CUX2: variants seen among roughly 807,000 people sequenced by gnomAD.
CUX2 encodes homeobox protein cut-like 2.
Under a neutral mutation model 144.8 loss-of-function variants are expected in CUX2, and 40 were observed. The observed-to-expected ratio is 0.28, with a 90% CI of 0.21 to 0.36. The LOEUF (loss-of-function observed/expected upper bound fraction) is 0.36, where lower values mean the gene tolerates loss of function less well. Among genes scored for constraint, CUX2 ranks in the 10% least tolerant of loss-of-function variants. The probability of loss-of-function intolerance (pLI) is 1.00; values close to 1 mark genes in which losing one functional copy is unlikely to be tolerated. For synonymous variants in CUX2, 827 were observed against 875.6 expected (o/e 0.94, Z 0.98); for missense variants, 1,615 against 1,994.0 (o/e 0.81, Z 3.62).
chr12:111,336,769 C>G (rs1475230917), intron 19 of CUX2, among the ~76,000 whole-genome samples: 1 of 151,942 alleles, frequency 6.6e-6, no homozygotes, highest in East Asian at 1.9e-4. Flanking sequence ...TTTTTAATGT[C>G]TCTTTGACAC....
In CUX2 at chr12:111,042,718, A is replaced by T. The variant is rs776941691; in HGVS notation, c.63+8478A>T. On this transcript the variant is annotated intron_variant, in intron 1 of 21. Transcript: ENST00000261726. ...GCCATCAGGGCTCACTGCAGCCTCAACCTTCTAGGCTCAGATGATCCTCCC... is the reference window on the plus strand; with the variant it reads ...GCCATCAGGGCTCACTGCAGCCTCATCCTTCTAGGCTCAGATGATCCTCCC... Among the ~76,000 whole-genome samples, 126 of 151,794 alleles carry T rather than the reference A, an allele frequency of 8.3e-4. No individual in the cohort carries two copies. The Middle Eastern group carries it at 0.024, about 29-fold the overall frequency.
rs1592994905 is a variant in CUX2 at position 111,347,621 on chromosome 12, C to T, written c.3757C>T (p.His1253Tyr). Reference protein sequence around the residue: ...GPGILPPGHSHPDPTPQSPDS... With the variant: ...GPGILPPGHSYPDPTPQSPDS... ...TGGAATCCTACCGCCAGGCCACTCC[C>T]ACCCAGACCCCACCCCGCAGAGCCC... The change falls in exon 22 of 22, where the codon CAC becomes TAC. Residue 1253 changes from histidine (H) to tyrosine (Y), a missense_variant. Physicochemically the swap from His to Tyr is moderately conservative, Grantham distance 83. Transcript: ENST00000261726. 2 of 1,590,748 alleles carry T rather than the reference C, an allele frequency of 1.3e-6. No individual in the cohort carries two copies.
At chr12:111,337,297 G>T (rs1006234497) in intron 19 of CUX2, among the ~76,000 whole-genome samples, 2 of 150,386 alleles carry the variant, frequency 1.3e-5, no homozygotes, top group Non-Finnish European at 2.9e-5. Flanking sequence ...AGGTTATAGT[G>T]AGCTGAGATC....
chr12:111,341,421 G>A (rs533444561), intron 20 of CUX2, among the ~76,000 whole-genome samples: 26 of 152,264 alleles, frequency 1.7e-4, no homozygotes, highest in East Asian at 5.8e-4. Context: ...TGACTGCACC[G>A]CTGTACTCCA....
rs1253769280 is a variant in CUX2, at chr12:111,291,556, C to T, written c.436+4C>T. 1 of 1,593,878 alleles carries T rather than the reference C, an allele frequency of 6.3e-7. No homozygotes were observed. The highest frequency in any genetic ancestry group is 1.8e-5 in the Admixed American group (1 of 56,366). On this transcript the variant is annotated splice_donor_region_variant and intron_variant, in intron 5 of 21. Transcript: ENST00000261726. ...CCCGAGCTCCTCAGCCCCAAAGGTA[C>T]TGATAAGGCCTTCTCGGAGCGTCTA...
In CUX2 at chr12:111,041,842, A is replaced by G. The variant is rs374306355; in HGVS notation, c.63+7602A>G. Reference sequence around the variant, plus strand: ...CCGCACCTTCCCAGTGCCTAGTTCCAGAAGAGGCTGCATTTCCAGAACAAA... The same window carrying G: ...CCGCACCTTCCCAGTGCCTAGTTCCGGAAGAGGCTGCATTTCCAGAACAAA... On this transcript the variant is annotated intron_variant, in intron 1 of 21. Transcript: ENST00000261726. 1.9e-4 allele frequency among the ~76,000 whole-genome samples: 29 copies of G among 152,296 alleles called. No homozygotes were observed. In the East Asian group the frequency reaches 5.4e-3, roughly 28 times the overall value.
chr12:111,239,575 G>A (rs1882920227), intron 3 of CUX2, among the ~76,000 whole-genome samples: 1 of 152,240 alleles, frequency 6.6e-6, no homozygotes, highest in Non-Finnish European at 1.5e-5. Flanking sequence ...GTACCTGGCT[G>A]TAGGGATGGC....
intron 1 of CUX2, among the ~76,000 whole-genome samples, chr12:111,158,401 A>G (rs993912605): frequency 2.7e-5 from 4 of 150,684 alleles, no homozygotes. Flanking sequence ...TGAAGCCAGG[A>G]GTTTGAGGTC....
chr12:111,283,917 C>G (rs1420146436), intron 4 of CUX2, among the ~76,000 whole-genome samples: 3 of 152,162 alleles, frequency 2.0e-5, no homozygotes, highest in Non-Finnish European at 4.4e-5. Context: ...ACACCATGCT[C>G]TGAAACTCCC....
Position 111,171,485 on chromosome 12 carries a change from T to A in CUX2, c.64-42715T>A, listed in dbSNP as rs1277234092. Among the ~76,000 whole-genome samples, 1 of 152,100 alleles carries A rather than the reference T, an allele frequency of 6.6e-6. No homozygotes were observed. The highest frequency in any genetic ancestry group is 1.5e-5 in the Non-Finnish European group (1 of 68,016). On this transcript the variant is annotated intron_variant, in intron 1 of 21. Transcript: ENST00000261726. The surrounding 1 kb of genome is among the most constrained non-coding windows in gnomAD (Gnocchi z 5.0). ...ACCCAATGCAAGCAGCCCGGAGACA[T>A]CTTGCTTCCTTGTTTCCATGGCTTG...
At chr12:111,199,591 G>A (rs945522163) in intron 1 of CUX2, among the ~76,000 whole-genome samples, 3 of 152,250 alleles carry the variant, frequency 2.0e-5, no homozygotes, top group South Asian at 2.1e-4. Context: ...AGAAGGTCAC[G>A]GATCCACAGG....
At position 111,061,770 on chromosome 12, in the gene CUX2, C is replaced by G. The variant is rs1870784511; in HGVS notation, c.63+27530C>G. On this transcript the variant is annotated intron_variant, in intron 1 of 21. Transcript: ENST00000261726. The surrounding 1 kb of genome is among the most constrained non-coding windows in gnomAD (Gnocchi z 4.2). ...GTATCTCTGGGTTTTTTGTCGTTTT[C>G]TTTTTTCTGCTGTGATGGAAACACT... Among the ~76,000 whole-genome samples, 1 of 152,264 alleles carries G rather than the reference C, an allele frequency of 6.6e-6. No homozygotes were observed. Among genetic ancestry groups the G allele is most frequent in the African/African-American group, 2.4e-5 (1 of 41,556 alleles).
chr12:111,094,457 T>TC (rs1872709193), intron 1 of CUX2, among the ~76,000 whole-genome samples: 1 of 152,246 alleles, frequency 6.6e-6, no homozygotes, highest in Admixed American at 6.5e-5. Flanking sequence ...ACCTGTGTCT[T>TC]CCCCCTGTGC....
At chr12:111,098,765 C>A (rs558377066) in intron 1 of CUX2, among the ~76,000 whole-genome samples, 3 of 152,222 alleles carry the variant, frequency 2.0e-5, no homozygotes, top group African/African-American at 7.2e-5. Flanking sequence ...CCTTTCTCTT[C>A]GTGAGTTCAG....
intron 4 of CUX2, among the ~76,000 whole-genome samples, 181 bp downstream of exon 4, chr12:111,264,020 TC>T (rs966044958): frequency 5.3e-5 from 8 of 151,782 alleles, no homozygotes; most frequent in African/African-American, 1.5e-4. Context: ...CCCCCAGGGC[TC>T]CCCCCATCTT....
chr12:111,076,593 G>C (rs1243510196), intron 1 of CUX2, among the ~76,000 whole-genome samples: 1 of 152,148 alleles, frequency 6.6e-6, no homozygotes, highest in Non-Finnish European at 1.5e-5. Context: ...GCTCTTCTGG[G>C]GTCTCTCAGT....
intron 1 of CUX2, among the ~76,000 whole-genome samples, chr12:111,154,693 CAG>C (rs1877264889): frequency 6.6e-6 from 1 of 152,110 alleles, no homozygotes; most frequent in African/African-American, 2.4e-5. Flanking sequence ...GTGCGGGAAT[CAG>C]AGAGGCAACG....
chr12:111,233,004 A>G (rs1451089363), intron 3 of CUX2, among the ~76,000 whole-genome samples: 1 of 152,178 alleles, frequency 6.6e-6, no homozygotes, highest in Non-Finnish European at 1.5e-5. Context: ...CTGGGATGTC[A>G]AGGAGGGCTT....
intron 9 of CUX2, among the ~76,000 whole-genome samples, chr12:111,303,679 G>A (rs1385464483): frequency 6.6e-6 from 1 of 151,994 alleles, no homozygotes; most frequent in Non-Finnish European, 1.5e-5. Context: ...GACCCAGGGA[G>A]AGGAAGTGAC....
Sources: gnomAD v4.1 joint callset for allele counts (sites outside exome capture counted in the v4.1 genomes callset) on GRCh38, gnomAD v4.1.1 for gene constraint, Gnocchi (gnomAD v3.1) non-coding constraint, MANE v1.5 for transcripts, NCBI Gene and HGNC (gene_info 2026-07-23, HGNC 2026-07-21) for gene names.